Variants in PTN observed in about 807,000 individuals in gnomAD.
PTN encodes the protein heparin affin regulatory protein.
In PTN, 18 loss-of-function variants were observed where a neutral mutation model predicts 24.1. The ratio of observed to expected loss-of-function variants is 0.75; its 90% CI spans 0.52 to 1.11. PTN has a LOEUF of 1.11. Ranked by LOEUF, PTN falls within the 50% of genes least tolerant of loss-of-function variation. The pLI is 0.00. For synonymous variants in PTN, 78 were observed against 68.6 expected, an observed-to-expected ratio of 1.14 and a Z score of -0.67; for missense variants, 163 against 198.8, an observed-to-expected ratio of 0.82 and a Z score of 1.08.
intron 1 of PTN, among the ~76,000 whole-genome samples, chr7:137,299,680 A>C (rs2128878317): frequency 6.6e-6 from 1 of 152,106 alleles, no homozygotes; most frequent in African/African-American, 2.4e-5. Flanking sequence ...TTAACTTTCA[A>C]GAGAGACCGT....
chr7:137,254,733 A>G, intron 2 of PTN, 126 bp downstream of exon 2: 2 of 524,240 alleles, frequency 3.8e-6, no homozygotes. Context: ...TGAAAAGGGA[A>G]GATTGAAGGA....
intron 1 of PTN, among the ~76,000 whole-genome samples, chr7:137,313,778 C>G (rs1810022133): frequency 6.6e-6 from 1 of 152,176 alleles, no homozygotes; most frequent in Non-Finnish European, 1.5e-5. Flanking sequence ...GTTATAAGAG[C>G]TAATGTACTA....
intron 4 of PTN, among the ~76,000 whole-genome samples, chr7:137,237,791 C>T (rs961610582): frequency 6.6e-6 from 1 of 152,148 alleles, no homozygotes; most frequent in Admixed American, 6.5e-5. Context: ...AGATCTTTCT[C>T]TATACTTTAC....
intron 1 of PTN, among the ~76,000 whole-genome samples, chr7:137,263,199 CCTATTA>C (rs1323539079): frequency 6.6e-6 from 1 of 152,064 alleles, no homozygotes; most frequent in Admixed American, 6.6e-5. Flanking sequence ...TAAGCAGGTT[CCTATTA>C]CTATTATAAC....
intron 1 of PTN, among the ~76,000 whole-genome samples, chr7:137,274,291 A>G (rs1809324666): frequency 6.6e-6 from 1 of 152,218 alleles, no homozygotes; most frequent in South Asian, 2.1e-4. Flanking sequence ...AAAAGAAAAT[A>G]CATTTAAAGG....
intron 1 of PTN, among the ~76,000 whole-genome samples, chr7:137,276,483 C>G (rs1389151640): frequency 6.6e-6 from 1 of 152,110 alleles, no homozygotes; most frequent in Non-Finnish European, 1.5e-5. Flanking sequence ...GATATAAAAC[C>G]AGGGTGAAAT....
At chr7:137,280,699 C>A (rs12707354) in intron 1 of PTN, among the ~76,000 whole-genome samples, 3,572 of 44,254 alleles carry the variant, frequency 0.081, 360 homozygotes, top group African/African-American at 0.18. Flanking sequence ...ACTAAAAATA[C>A]AAAAAAAAAA....
chr7:137,289,750 T>C (rs1254469482), intron 1 of PTN, among the ~76,000 whole-genome samples: 1 of 152,174 alleles, frequency 6.6e-6, no homozygotes, highest in Non-Finnish European at 1.5e-5. Flanking sequence ...ATATGGCTGA[T>C]GATCTGAATC....
intron 1 of PTN, among the ~76,000 whole-genome samples, chr7:137,282,518 C>T (rs1809489208): frequency 6.6e-6 from 1 of 152,070 alleles, no homozygotes; most frequent in Admixed American, 6.6e-5. Context: ...CTCATCATGT[C>T]CAACAGCCAT....
At chr7:137,335,095 A>C (rs1241272090) in intron 1 of PTN, among the ~76,000 whole-genome samples, 1 of 145,752 alleles carries the variant, frequency 6.9e-6, no homozygotes, top group Non-Finnish European at 1.5e-5. Context: ...CTAATGCTAA[A>C]TGACGAGTTG....
Position 137,331,487 on chromosome 7 carries a change from G to A in PTN, c.-2+11952C>T, listed in dbSNP as rs143109097. Among the ~76,000 whole-genome samples, 5 of 152,294 alleles carry A rather than the reference G, an allele frequency of 3.3e-5. No individual in the cohort carries two copies. In the East Asian group the frequency reaches 5.8e-4, roughly 18 times the overall value. On this transcript the variant is annotated intron_variant, in intron 1 of 4. Transcript: ENST00000348225. ...TGACTTTCACTCCTCCTCTGCGATC[G>A]GGAATGTGGTGGTCAAACCCAAATT...
chr7:137,297,302 G>A (rs1315181585), intron 1 of PTN, among the ~76,000 whole-genome samples: 4 of 152,110 alleles, frequency 2.6e-5, no homozygotes, highest in East Asian at 1.9e-4. Flanking sequence ...TGGAGGTGGC[G>A]AAGCCACTGT....
chr7:137,268,351 A>C (rs192238670), intron 1 of PTN, among the ~76,000 whole-genome samples: 25 of 152,146 alleles, frequency 1.6e-4, no homozygotes, highest in Admixed American at 1.4e-3. Flanking sequence ...GAACCAAGAA[A>C]TGTAGCAGGA....
At chr7:137,258,160 T>C (rs2067260633) in intron 1 of PTN, among the ~76,000 whole-genome samples, 1 of 152,170 alleles carries the variant, frequency 6.6e-6, no homozygotes, top group Non-Finnish European at 1.5e-5. Context: ...CAGGCCATAA[T>C]TTCCAAATCA....
chr7:137,330,607 G>A (rs984376835), intron 1 of PTN, among the ~76,000 whole-genome samples: 3 of 152,098 alleles, frequency 2.0e-5, no homozygotes, highest in Admixed American at 6.5e-5. Flanking sequence ...TGCGTTAGAC[G>A]GTAGAAAGGT....
intron 1 of PTN, among the ~76,000 whole-genome samples, chr7:137,296,690 A>C (rs1361432482): frequency 6.6e-6 from 1 of 152,086 alleles, no homozygotes; most frequent in Non-Finnish European, 1.5e-5. Context: ...GCATAAGTTG[A>C]AGCTTGTTGA....
chr7:137,254,931 C>A lies in PTN; in HGVS notation c.43G>T (p.Ala15Ser). The A allele has an allele frequency of 6.3e-7, 1 of 1,579,618 alleles. No individual in the cohort carries two copies. Among genetic ancestry groups the A allele is most frequent in the Non-Finnish European group, 8.7e-7 (1 of 1,154,630 alleles). ...QYQQQRRKFAAAFLAFIFILA... is the reference protein window; with the variant it reads ...QYQQQRRKFASAFLAFIFILA... ...ATGAAAATGAATGCCAAGAAGGCAG[C>A]TGCAAATTTTCGACGCTGCTGCTGG... is the stretch of plus-strand genomic sequence containing the variant. Residue 15 changes from alanine (A) to serine (S), a missense_variant, in exon 2 of 5, where the codon GCT (alanine) becomes TCT (serine). By Grantham distance (99) the Ala-to-Ser change is moderately conservative (BLOSUM62 1). Transcript: ENST00000348225.
intron 1 of PTN, among the ~76,000 whole-genome samples, chr7:137,257,205 T>C (rs943886212): frequency 6.6e-6 from 1 of 152,222 alleles, no homozygotes; most frequent in Non-Finnish European, 1.5e-5. Flanking sequence ...CTACTCACCA[T>C]CTCCAGCACT....
At chr7:137,274,267 G>A (rs899241053) in intron 1 of PTN, among the ~76,000 whole-genome samples, 20 of 152,002 alleles carry the variant, frequency 1.3e-4, no homozygotes, top group Non-Finnish European at 1.0e-4. Context: ...CCTTGTAAAA[G>A]TCCATTTGTC....
Sources: allele counts gnomAD v4.1 joint callset (sites outside exome capture counted in the v4.1 genomes callset), GRCh38; gene constraint gnomAD v4.1.1; transcripts MANE v1.5; gene names NCBI Gene and HGNC (gene_info 2026-07-23, HGNC 2026-07-21).